Variants in ST8SIA1 observed in about 807,000 individuals in gnomAD.
ST8SIA1 encodes the protein ST8 alpha-N-acetyl-neuraminide alpha-2,8-sialyltransferase 1.
Under a neutral mutation model 35.9 loss-of-function variants are expected in ST8SIA1, and 16 were observed. That is an observed-to-expected ratio of 0.45 (90% CI 0.30 to 0.68). The LOEUF is 0.68. Among genes scored for constraint, ST8SIA1 ranks in the 30% least tolerant of loss-of-function variants. ST8SIA1 has a pLI of 0.09. For synonymous variants in ST8SIA1, 170 were observed against 169.6 expected (o/e 1.00, Z -0.02); for missense variants, 383 against 453.6 (o/e 0.84, Z 1.41).
chr12:22,254,734 A>C (rs1309494624), intron 3 of ST8SIA1, among the ~76,000 whole-genome samples: 3 of 152,130 alleles, frequency 2.0e-5, no homozygotes, highest in Non-Finnish European at 4.4e-5. Flanking sequence ...ACTGACGTGC[A>C]CATCACCACT....
At chr12:22,293,359 T>A (rs1866203031) in intron 1 of ST8SIA1, among the ~76,000 whole-genome samples, 1 of 152,268 alleles carries the variant, frequency 6.6e-6, no homozygotes, top group African/African-American at 2.4e-5. Flanking sequence ...AAATTTAATC[T>A]TGTCTCCCCA....
At chr12:22,268,294 T>C (rs982905345) in intron 2 of ST8SIA1, among the ~76,000 whole-genome samples, 1 of 152,210 alleles carries the variant, frequency 6.6e-6, no homozygotes, top group African/African-American at 2.4e-5. Flanking sequence ...ACGAGCTTTT[T>C]AGATTATTTT....
intron 1 of ST8SIA1, among the ~76,000 whole-genome samples, chr12:22,297,756 A>C (rs1284776618): frequency 6.6e-6 from 1 of 152,124 alleles, no homozygotes; most frequent in African/African-American, 2.4e-5. Context: ...ATGAAATATA[A>C]ATTTGCTCTT....
At chr12:22,309,765 T>C (rs1244397257) in intron 1 of ST8SIA1, among the ~76,000 whole-genome samples, 2 of 152,164 alleles carry the variant, frequency 1.3e-5, no homozygotes, top group Non-Finnish European at 2.9e-5. Flanking sequence ...CATTCTTTAG[T>C]TGGCAGTAGA....
chr12:22,273,265 G>A (rs545476921), intron 2 of ST8SIA1, among the ~76,000 whole-genome samples: 4 of 152,224 alleles, frequency 2.6e-5, no homozygotes, highest in South Asian at 2.1e-4. Context: ...GATCCCCACC[G>A]TTCACCTATT....
chr12:22,201,529 A>G lies in ST8SIA1; in HGVS notation c.*23T>C. 6.4e-7 allele frequency: 1 copy of G among 1,572,736 alleles called. No homozygotes were observed. The highest frequency in any genetic ancestry group is 8.6e-7 in the Non-Finnish European group (1 of 1,162,384). On this transcript the variant is annotated 3_prime_UTR_variant, in exon 5 of 5. Transcript: ENST00000396037. Reference sequence around the variant, plus strand: ...AAACCTAACAAAAATACCCTGGTTCAGTCCTTTCTTCTTCCATTGTTCCTA... The same window carrying G: ...AAACCTAACAAAAATACCCTGGTTCGGTCCTTTCTTCTTCCATTGTTCCTA...
chr12:22,202,009 G>A lies in ST8SIA1; in HGVS notation c.614C>T (p.Thr205Ile). 1.9e-6 allele frequency: 3 copies of A among 1,610,650 alleles called. No homozygotes were observed. Among genetic ancestry groups the A allele is most frequent in the South Asian group, 1.1e-5 (1 of 90,334 alleles). Residue 205 changes from threonine (T) to isoleucine (I), a missense_variant, in exon 5 of 5, where the codon ACA becomes ATA. Physicochemically the swap from Thr to Ile is moderately conservative, Grantham distance 89. Coordinates refer to ENST00000396037, the MANE Select transcript of ST8SIA1 (RefSeq NM_003034.4). ...ATAAATTTTCATGTTGTCCACAAAT[G>A]TCTTTCTGGACCACAGAAGGTTCTG... Reference protein sequence around the residue: ...RFQNLLWSRKTFVDNMKIYNH... With the variant: ...RFQNLLWSRKIFVDNMKIYNH...
At position 22,227,642 on chromosome 12, in the gene ST8SIA1, T is replaced by C. The variant is rs1000445958; in HGVS notation, c.584+21364A>G. Among the ~76,000 whole-genome samples the C allele has an allele frequency of 2.6e-5, 4 of 152,314 alleles. No homozygotes were observed. In the East Asian group the frequency reaches 7.7e-4, roughly 29 times the overall value. ...TGTTCTATACCAAATTTTTTTTCTA[T>C]TATTTCTCTTAAATAGTAGAAAAAC... On this transcript the variant is annotated intron_variant, in intron 4 of 4. Transcript: ENST00000396037.
intron 3 of ST8SIA1, among the ~76,000 whole-genome samples, chr12:22,252,705 T>C (rs549538810): frequency 2.8e-4 from 43 of 152,052 alleles, no homozygotes; most frequent in African/African-American, 1.0e-3. Flanking sequence ...CAACACCAGA[T>C]TGCATATAAG....
intron 1 of ST8SIA1, among the ~76,000 whole-genome samples, chr12:22,300,508 G>T (rs1225591643): frequency 1.3e-5 from 2 of 152,168 alleles, no homozygotes; most frequent in East Asian, 1.9e-4. Context: ...ATAAAACTTA[G>T]AAAGGTTATA....
intron 1 of ST8SIA1, among the ~76,000 whole-genome samples, chr12:22,287,696 C>T (rs1866119332): frequency 6.6e-6 from 1 of 152,120 alleles, no homozygotes; most frequent in South Asian, 2.1e-4. Flanking sequence ...TCTCTATCTT[C>T]ATTAACAATC....
At chr12:22,237,116 AG>A in intron 4 of ST8SIA1, among the ~76,000 whole-genome samples, 1 of 132,226 alleles carries the variant, frequency 7.6e-6, no homozygotes, top group South Asian at 2.7e-4. Flanking sequence ...CTTTTTTTAA[AG>A]AGATGGGGCC....
At chr12:22,328,902 G>A (rs1397370877) in intron 1 of ST8SIA1, among the ~76,000 whole-genome samples, 1 of 152,182 alleles carries the variant, frequency 6.6e-6, no homozygotes, top group Non-Finnish European at 1.5e-5. Context: ...CACAGCAAGT[G>A]ATGGAATCAG....
chr12:22,270,570 A>G (rs1209699283), intron 2 of ST8SIA1, among the ~76,000 whole-genome samples: 2 of 152,212 alleles, frequency 1.3e-5, no homozygotes, highest in Admixed American at 6.5e-5. Context: ...AAATATGTTC[A>G]ATATAATTTT....
chr12:22,313,191 C>T (rs1404237576), intron 1 of ST8SIA1, among the ~76,000 whole-genome samples: 2 of 152,140 alleles, frequency 1.3e-5, no homozygotes, highest in African/African-American at 2.4e-5. Flanking sequence ...TAGTACCTCC[C>T]TCATACATTA....
At chr12:22,331,947 G>C (rs1218010277) in intron 1 of ST8SIA1, among the ~76,000 whole-genome samples, 4 of 152,102 alleles carry the variant, frequency 2.6e-5, no homozygotes, top group African/African-American at 4.8e-5. Context: ...CCAGATACTT[G>C]GCATCAGTTT....
intron 1 of ST8SIA1, among the ~76,000 whole-genome samples, chr12:22,320,112 C>A (rs1333836911): frequency 6.6e-6 from 1 of 152,070 alleles, no homozygotes; most frequent in Non-Finnish European, 1.5e-5. Flanking sequence ...TGGATCTTTA[C>A]AAATTATATG....
chr12:22,196,561 T>G lies in ST8SIA1; in HGVS notation c.*4991A>C, dbSNP rs1161499847. 6.6e-6 allele frequency: 1 copy of G among 152,164 alleles called. No individual in the cohort carries two copies. The highest frequency in any genetic ancestry group is 1.5e-5 in the Non-Finnish European group (1 of 68,034). The allele number at this position is 152,164 out of a possible 1,614,324, so 9.4% of individuals were successfully genotyped here. A position where few individuals can be genotyped will look rare whatever the true frequency, so the allele number is the denominator to read the frequency against. On this transcript the variant is annotated 3_prime_UTR_variant, in exon 5 of 5. Transcript: ENST00000396037. ...AACCTAAATATTGTGGCCTCATATTTAGGAGTTTATAAACAGACGCTCTGG... is the reference window on the plus strand; with the variant it reads ...AACCTAAATATTGTGGCCTCATATTGAGGAGTTTATAAACAGACGCTCTGG...
intron 1 of ST8SIA1, among the ~76,000 whole-genome samples, chr12:22,292,738 A>C (rs1202544422): frequency 1.3e-5 from 2 of 152,138 alleles, no homozygotes; most frequent in Non-Finnish European, 2.9e-5. Flanking sequence ...CACATTGGGG[A>C]GCACTAGCAG....
Sources: allele counts gnomAD v4.1 joint callset (sites outside exome capture counted in the v4.1 genomes callset), GRCh38; gene constraint gnomAD v4.1.1; transcripts MANE v1.5; gene names NCBI Gene and HGNC (gene_info 2026-07-23, HGNC 2026-07-21).